RALGAPA2: variants seen among roughly 807,000 people sequenced by gnomAD.
RALGAPA2 encodes the protein ral GTPase-activating protein subunit alpha-2.
In RALGAPA2, 139 loss-of-function variants were observed where a neutral mutation model predicts 230.4. The observed-to-expected ratio is 0.60, with a 90% CI of 0.53 to 0.69. RALGAPA2 has a LOEUF of 0.69. Among genes scored for constraint, RALGAPA2 ranks in the 30% least tolerant of loss-of-function variants. The probability of loss-of-function intolerance (pLI) is 0.00; values close to 1 mark genes in which losing one functional copy is unlikely to be tolerated. For synonymous variants in RALGAPA2, 847 were observed against 837.8 expected (o/e 1.01, Z -0.19); for missense variants, 2,163 against 2,276.0 (o/e 0.95, Z 1.01).
intron 20 of RALGAPA2, among the ~76,000 whole-genome samples, chr20:20,579,305 C>T (rs948077595): frequency 4.6e-5 from 7 of 152,212 alleles, no homozygotes; most frequent in Admixed American, 3.9e-4. Flanking sequence ...TTATTAAATG[C>T]TTCTCTCCTG....
At position 20,712,598 on chromosome 20, in the gene RALGAPA2, G is replaced by T. The variant is rs1027495550; in HGVS notation, c.-118C>A. On this transcript the variant is annotated 5_prime_UTR_variant, in exon 1 of 40. Transcript: ENST00000202677. This position sits in a 1 kb window ranked among gnomAD's most constrained non-coding sequence, Gnocchi z 5.5. Reference sequence around the variant, plus strand: ...CGGGCCACTCGCCGCCCCCAGCCCCGCTGCTGCCGCCGCCGCCGCCGCCGC... The same window carrying T: ...CGGGCCACTCGCCGCCCCCAGCCCCTCTGCTGCCGCCGCCGCCGCCGCCGC... The T allele has an allele frequency of 2.4e-6, 3 of 1,225,200 alleles. No homozygotes were observed. The highest frequency in any genetic ancestry group is 3.1e-6 in the Non-Finnish European group (3 of 982,520). The allele number at this position is 1,225,200 out of a possible 1,614,324, so 75.9% of individuals were successfully genotyped here.
chr20:20,647,785 A>G (rs1394652197), intron 4 of RALGAPA2, among the ~76,000 whole-genome samples: 1 of 152,220 alleles, frequency 6.6e-6, no homozygotes, highest in Non-Finnish European at 1.5e-5. Context: ...AAATAAGCAC[A>G]TAAAAAGATG....
At chr20:20,680,909 A>C in intron 1 of RALGAPA2, 108 bp from the exon 2 acceptor site, 3 of 1,466,552 alleles carry the variant, frequency 2.0e-6, no homozygotes, top group Non-Finnish European at 2.7e-6. Flanking sequence ...TCATTCCCTT[A>C]TAAGACAATA....
rs867490833 is a variant in RALGAPA2 at position 20,622,552 on chromosome 20, A to G, written c.1234-1922T>C. Among the ~76,000 whole-genome samples, 4 of 152,348 alleles carry G rather than the reference A, an allele frequency of 2.6e-5. No individual in the cohort carries two copies. In the South Asian group the frequency reaches 6.2e-4, roughly 24 times the overall value. Reference sequence around the variant, plus strand: ...AATGGAAGCCAAGAAACAATGCAACAAAAGATTCATGTGCAGAGGGCTGCC... The same window carrying G: ...AATGGAAGCCAAGAAACAATGCAACGAAAGATTCATGTGCAGAGGGCTGCC... On this transcript the variant is annotated intron_variant, in intron 10 of 39. Coordinates refer to ENST00000202677, the MANE Select transcript of RALGAPA2 (RefSeq NM_020343.4).
Position 20,640,732 on chromosome 20 carries a change from T to C in RALGAPA2, c.519A>G (p.Thr173=), listed in dbSNP as rs561204183. 4 of 1,613,768 alleles carry C rather than the reference T, an allele frequency of 2.5e-6. No individual in the cohort carries two copies. The highest frequency in any genetic ancestry group is 3.4e-6 in the Non-Finnish European group (4 of 1,179,836). The change falls in exon 6 of 40, where the codon ACA becomes ACG. Residue 173 remains threonine (T), a synonymous_variant. Transcript: ENST00000202677. Reference sequence around the variant, plus strand: ...CTACACTAGGGCTGGGATTGATGAGTGTCTCCAGTGTGCAAGGGCCCCTGG... The same window carrying C: ...CTACACTAGGGCTGGGATTGATGAGCGTCTCCAGTGTGCAAGGGCCCCTGG... ...MSSRGPCTLE[T]LINPSPSVAD... is the part of the protein sequence containing the mutation.
chr20:20,665,744 T>C (rs939012449), intron 3 of RALGAPA2, among the ~76,000 whole-genome samples: 1 of 152,224 alleles, frequency 6.6e-6, no homozygotes, highest in African/African-American at 2.4e-5. Flanking sequence ...GTACAGATCA[T>C]AGACATTTCA....
intron 38 of RALGAPA2, among the ~76,000 whole-genome samples, chr20:20,406,154 AC>A (rs2059940852): frequency 6.6e-6 from 1 of 152,074 alleles, no homozygotes; most frequent in African/African-American, 2.4e-5. Context: ...ACGTTAAAAT[AC>A]CCTCAGTTTT....
chr20:20,548,125 C>CCACA (rs58279852), intron 23 of RALGAPA2, among the ~76,000 whole-genome samples: 156 of 148,100 alleles, frequency 1.1e-3, no homozygotes, highest in African/African-American at 2.6e-3. Flanking sequence ...AGCAAAATCT[C>CCACA]CACACACACA....
At chr20:20,699,779 A>G (rs940332483) in intron 1 of RALGAPA2, among the ~76,000 whole-genome samples, 1 of 152,162 alleles carries the variant, frequency 6.6e-6, no homozygotes, top group African/African-American at 2.4e-5. Flanking sequence ...ACCAGTCAGA[A>G]TGGTTATTAA....
intron 37 of RALGAPA2, among the ~76,000 whole-genome samples, chr20:20,430,517 A>AT (rs2060478711): frequency 6.6e-6 from 1 of 152,352 alleles, no homozygotes; most frequent in East Asian, 1.9e-4. Flanking sequence ...GGGACCAGTG[A>AT]TAAGGAGAGT....
chr20:20,611,477 C>G (rs1473810520), intron 13 of RALGAPA2, 51 bp from the exon 14 acceptor site: 1 of 1,564,892 alleles, frequency 6.4e-7, no homozygotes, highest in Non-Finnish European at 8.7e-7. Flanking sequence ...CTCCAAAGCA[C>G]TTTAATTTAT....
At chr20:20,532,784 A>G (rs529318720) in intron 26 of RALGAPA2, among the ~76,000 whole-genome samples, 34 of 152,344 alleles carry the variant, frequency 2.2e-4, no homozygotes, top group Admixed American at 1.8e-3. Context: ...TCACTCTAAC[A>G]TTCATCAGAG....
At chr20:20,692,453 C>T (rs1000893404) in intron 1 of RALGAPA2, among the ~76,000 whole-genome samples, 2 of 152,168 alleles carry the variant, frequency 1.3e-5, no homozygotes, top group Non-Finnish European at 2.9e-5. Flanking sequence ...AACAGACCCT[C>T]CCTCTTCCTA....
chr20:20,437,466 G>A lies in RALGAPA2; in HGVS notation c.5496-25318C>T, dbSNP rs2060640843. Among the ~76,000 whole-genome samples the A allele has an allele frequency of 6.6e-6, 1 of 152,202 alleles. No individual in the cohort carries two copies. Among genetic ancestry groups the A allele is most frequent in the Non-Finnish European group, 1.5e-5 (1 of 68,030 alleles). On this transcript the variant is annotated intron_variant, in intron 37 of 39. Coordinates refer to ENST00000202677, the MANE Select transcript of RALGAPA2 (RefSeq NM_020343.4). This position sits in a 1 kb window ranked among gnomAD's most constrained non-coding sequence, Gnocchi z 4.1. ...CAGGGATGGTGCCGTCCTCCGTTCA[G>A]CCTTCAGATGGCTCCCACCTCACAG...
chr20:20,406,170 T>C (rs2059941610), intron 38 of RALGAPA2, among the ~76,000 whole-genome samples: 1 of 152,136 alleles, frequency 6.6e-6, no homozygotes, highest in African/African-American at 2.4e-5. Context: ...AGTTTTTTCT[T>C]TTTTTTCTTT....
chr20:20,504,854 G>T, intron 34 of RALGAPA2: 1 of 364,508 alleles, frequency 2.7e-6, no homozygotes, highest in Non-Finnish European at 3.8e-6. Flanking sequence ...GGGGAAAGGT[G>T]TGTATGTGTG....
intron 37 of RALGAPA2, among the ~76,000 whole-genome samples, chr20:20,447,930 G>T (rs533685274): frequency 2.0e-5 from 3 of 152,260 alleles, no homozygotes; most frequent in South Asian, 4.1e-4. Flanking sequence ...AGAAACAAGG[G>T]GGCATCATTC....
chr20:20,501,475 C>T (rs1020286707), intron 35 of RALGAPA2, among the ~76,000 whole-genome samples: 3 of 152,238 alleles, frequency 2.0e-5, no homozygotes, highest in African/African-American at 7.2e-5. Flanking sequence ...AGCTTCCTCA[C>T]CTCTCTCAGC....
chr20:20,661,272 C>T (rs568951922), intron 3 of RALGAPA2, among the ~76,000 whole-genome samples: 225 of 152,218 alleles, frequency 1.5e-3, no homozygotes, highest in South Asian at 0.011. Context: ...GATTCTTGTG[C>T]CTCAGCCTCC....
Sources: gnomAD v4.1 joint callset for allele counts (sites outside exome capture counted in the v4.1 genomes callset) on GRCh38, gnomAD v4.1.1 for gene constraint, Gnocchi (gnomAD v3.1) non-coding constraint, MANE v1.5 for transcripts, NCBI Gene and HGNC (gene_info 2026-07-23, HGNC 2026-07-21) for gene names.